HAUS6: variants seen among roughly 807,000 people sequenced by gnomAD.
HAUS6 encodes HAUS augmin like complex subunit 6, also known as HAUS augmin-like complex subunit 6.
HAUS6 carries 80 observed loss-of-function variants against 106.8 expected under a neutral mutation model. The ratio of observed to expected loss-of-function variants is 0.75; its 90% CI spans 0.63 to 0.90. The LOEUF (loss-of-function observed/expected upper bound fraction) is 0.90, where lower values mean the gene tolerates loss of function less well. HAUS6 is among the 40% of genes least tolerant of loss of function. HAUS6 has a pLI of 0.00. For missense variants in HAUS6, 1,155 were observed against 1,118.1 expected, an observed-to-expected ratio of 1.03 and a Z score of -0.47; for synonymous variants, 356 against 379.1, an observed-to-expected ratio of 0.94 and a Z score of 0.71.
At chr9:19,071,341 A>G (rs1302654738) in intron 11 of HAUS6, among the ~76,000 whole-genome samples, 1 of 152,200 alleles carries the variant, frequency 6.6e-6, no homozygotes, top group African/African-American at 2.4e-5. Flanking sequence ...AGAAGTTAAA[A>G]GATATGAAAG....
At position 19,057,000 on chromosome 9, in the gene HAUS6, G is replaced by A. The variant is rs929165049; in HGVS notation, c.2807-596C>T. 4 of 152,256 alleles carry A rather than the reference G, an allele frequency of 2.6e-5. No individual in the cohort carries two copies. The Middle Eastern group carries it at 0.014, about 518-fold the overall frequency. The allele number at this position is 152,256 out of a possible 1,614,324, so 9.4% of individuals were successfully genotyped here. On this transcript the variant is annotated intron_variant, in intron 16 of 16. Transcript: ENST00000380502. ...CCTTATCTCTCTTAATGAGCTACAA[G>A]AGCAATTTTTTTAACCTTTTATGAG...
In HAUS6 at chr9:19,055,592, A is replaced by G. The variant is rs1836452292; in HGVS notation, c.*751T>C. The G allele has an allele frequency of 6.6e-6, 1 of 152,270 alleles. No individual in the cohort carries two copies. Among genetic ancestry groups the G allele is most frequent in the Admixed American group, 6.5e-5 (1 of 15,288 alleles). The allele number at this position is 152,270 out of a possible 1,614,324, so 9.4% of individuals were successfully genotyped here. On this transcript the variant is annotated 3_prime_UTR_variant, in exon 17 of 17. Transcript: ENST00000380502. The stretch of plus-strand genomic sequence containing the variant: ...AATATAAAAGTAGCATTAAATTATC[A>G]AAGTCTAAATTAGACTAAATATAAA...
At chr9:19,077,426 T>G (rs1320205716) in intron 10 of HAUS6, among the ~76,000 whole-genome samples, 1 of 152,126 alleles carries the variant, frequency 6.6e-6, no homozygotes, top group African/African-American at 2.4e-5. Flanking sequence ...TCCCGGCTAC[T>G]TGGGAGGCCG....
At position 19,080,461 on chromosome 9, in the gene HAUS6, C is replaced by A. The variant is rs376824060; in HGVS notation, c.1064+18G>T. On this transcript the variant is annotated intron_variant, in intron 9 of 16. Transcript: ENST00000380502. ...CCCTACTCCTCCCACAGTAAAATAA[C>A]AGATCTTTTTAGTGTACCTCATATG... The A allele has an allele frequency of 3.9e-6, 6 of 1,544,050 alleles. No individual in the cohort carries two copies. The highest frequency in any genetic ancestry group is 2.3e-4 in the Middle Eastern group (1 of 4,300).
At chr9:19,072,608 G>A (rs1423427377) in intron 11 of HAUS6, among the ~76,000 whole-genome samples, 4 of 151,916 alleles carry the variant, frequency 2.6e-5, no homozygotes, top group Non-Finnish European at 4.4e-5. Flanking sequence ...ATGGAAGTCT[G>A]AAAGACAAAT....
intron 1 of HAUS6, among the ~76,000 whole-genome samples, chr9:19,099,987 T>C (rs1428425460): frequency 1.3e-5 from 2 of 152,104 alleles, no homozygotes; most frequent in Non-Finnish European, 2.9e-5. Context: ...AGGTCAGGAA[T>C]TTAAGATTCC....
chr9:19,063,561 G>A lies in HAUS6; in HGVS notation c.1396C>T (p.Gln466Ter). 3 of 1,607,034 alleles carry A rather than the reference G, an allele frequency of 1.9e-6. No homozygotes were observed. The highest frequency in any genetic ancestry group is 2.6e-6 in the Non-Finnish European group (3 of 1,173,538). The change falls in exon 13 of 17, where the codon CAG (glutamine) becomes TAG (stop). Residue 466 changes from glutamine (Q) to a stop codon, truncating the protein, a stop_gained. Coordinates refer to ENST00000380502, the MANE Select transcript of HAUS6 (RefSeq NM_017645.5). LOFTEE classifies it high-confidence loss of function. ...LANSPASFLS[Q>*]SVSSSDRNSV... ...TTTCTATCTGATGATGAAACTGACT[G>A]CGACAAGAAAGAGGCAGGGCTAAAA...
chr9:19,100,996 T>G (rs943552718), intron 1 of HAUS6, among the ~76,000 whole-genome samples: 1 of 152,104 alleles, frequency 6.6e-6, no homozygotes, highest in African/African-American at 2.4e-5. Context: ...TACAGTTAGA[T>G]AGAAGGAATA....
chr9:19,099,542 G>T (rs1292093721), intron 1 of HAUS6, among the ~76,000 whole-genome samples: 2 of 152,050 alleles, frequency 1.3e-5, no homozygotes, highest in African/African-American at 4.8e-5. Flanking sequence ...ATAGCTCACT[G>T]TAGCCTCAAA....
At chr9:19,086,005 G>T (rs1837285159) in intron 7 of HAUS6, among the ~76,000 whole-genome samples, 1 of 148,484 alleles carries the variant, frequency 6.7e-6, no homozygotes, top group South Asian at 2.1e-4. Context: ...AAAAAAAAAA[G>T]TAATAGTACT....
intron 1 of HAUS6, among the ~76,000 whole-genome samples, chr9:19,097,379 A>C (rs140957568): frequency 0.13 from 20,499 of 152,048 alleles, 1,468 homozygotes; most frequent in Admixed American, 0.17. Flanking sequence ...CCAGAATCTA[A>C]AATGAACTCA....
chr9:19,099,832 T>G (rs1009924370), intron 1 of HAUS6, among the ~76,000 whole-genome samples: 1 of 151,946 alleles, frequency 6.6e-6, no homozygotes, highest in African/African-American at 2.4e-5. Context: ...GGAGGATCAC[T>G]TAAGCCCAGA....
At chr9:19,078,845 T>A (rs1336038667) in intron 9 of HAUS6, among the ~76,000 whole-genome samples, 5 of 134,832 alleles carry the variant, frequency 3.7e-5, no homozygotes, top group Admixed American at 7.6e-5. Context: ...AAAATTAGTT[T>A]AAAAAAAAAA....
chr9:19,094,800 A>T (rs144816286), intron 2 of HAUS6, among the ~76,000 whole-genome samples: 1 of 152,140 alleles, frequency 6.6e-6, no homozygotes, highest in Non-Finnish European at 1.5e-5. Context: ...AAAAACCATT[A>T]AAGTGAAATG....
intron 7 of HAUS6, among the ~76,000 whole-genome samples, chr9:19,085,071 G>C (rs1302886686): frequency 6.6e-6 from 1 of 152,104 alleles, no homozygotes; most frequent in Non-Finnish European, 1.5e-5. Context: ...GAAACTATAG[G>C]TGTGTGCCAC....
At chr9:19,063,861 A>G in intron 12 of HAUS6, 1 of 575,176 alleles carries the variant, frequency 1.7e-6, no homozygotes, top group Non-Finnish European at 3.3e-6. Context: ...CTTAATGAAT[A>G]CTCCACAACT....
chr9:19,102,348 C>CT (rs1185064498), intron 1 of HAUS6, among the ~76,000 whole-genome samples, 176 bp downstream of exon 1: 1 of 152,224 alleles, frequency 6.6e-6, no homozygotes, highest in Non-Finnish European at 1.5e-5. Flanking sequence ...TATTTACTGT[C>CT]TGTCTCTGCC....
chr9:19,102,447 C>CG (rs887175682), intron 1 of HAUS6, 77 bp downstream of exon 1: 49 of 1,473,742 alleles, frequency 3.3e-5, no homozygotes, highest in Non-Finnish European at 4.3e-5. Context: ...AATCAACCTC[C>CG]GGGGTCTACA....
At chr9:19,082,832 TAGG>T (rs757204306) in intron 8 of HAUS6, 38 bp downstream of exon 8, 1 of 1,001,704 alleles carries the variant, frequency 1.0e-6, no homozygotes, top group Non-Finnish European at 1.4e-6. Context: ...AATTACATGA[TAGG>T]AGTTTTCTCA....
Sources: gnomAD v4.1 joint callset for allele counts (sites outside exome capture counted in the v4.1 genomes callset) on GRCh38, gnomAD v4.1.1 for gene constraint, MANE v1.5 for transcripts, NCBI Gene and HGNC (gene_info 2026-07-23, HGNC 2026-07-21) for gene names.